RPL34: variants seen among roughly 807,000 people sequenced by gnomAD.
The protein encoded by RPL34 is large ribosomal subunit protein eL34.
A neutral mutation model predicts 16.3 loss-of-function variants in RPL34; 2 were observed. That is an observed-to-expected ratio of 0.12 (90% CI 0.05 to 0.39). The LOEUF is 0.39. Ranked by LOEUF, RPL34 falls within the 10% of genes least tolerant of loss-of-function variation. The pLI is 0.99. For synonymous variants in RPL34, 47 were observed against 48.5 expected, an observed-to-expected ratio of 0.97 and a Z score of 0.13; for missense variants, 82 against 148.8, an observed-to-expected ratio of 0.55 and a Z score of 2.33.
Position 108,625,353 on chromosome 4 carries a change from T to C in RPL34, c.*141T>C. Reference sequence around the variant, plus strand: ...CCTATAGTTTTTAGCAGATTACTTTTTCTTGTTTTGTTTGTTGTTTGTTTG... The same window carrying C: ...CCTATAGTTTTTAGCAGATTACTTTCTCTTGTTTTGTTTGTTGTTTGTTTG... On this transcript the variant is annotated 3_prime_UTR_variant, in exon 5 of 5. Transcript: ENST00000394667. The C allele has an allele frequency of 1.9e-6, 1 of 538,638 alleles. No individual in the cohort carries two copies. Among genetic ancestry groups the C allele is most frequent in the Non-Finnish European group, 3.3e-6 (1 of 301,950 alleles). The allele number at this position is 538,638 out of a possible 1,614,324, so 33.4% of individuals were successfully genotyped here.
downstream of RPL34, among the ~76,000 whole-genome samples, chr4:108,628,931 T>C (rs1436580531): frequency 1.3e-5 from 2 of 152,202 alleles, no homozygotes; most frequent in Non-Finnish European, 2.9e-5. Context: ...TAAGCCATTC[T>C]GCCTCAGCCT....
In RPL34 at chr4:108,622,498, A is replaced by C. The variant is rs1228647454; in HGVS notation, c.166-17A>C. ...CTGTTAAAGCATCACAAAAATCTTA[A>C]TATTTTTCTTATGCAGGTTCGTGCT... On this transcript the variant is annotated splice_polypyrimidine_tract_variant and intron_variant, in intron 3 of 4. Transcript: ENST00000394667. 3.8e-6 allele frequency: 6 copies of C among 1,587,522 alleles called. No homozygotes were observed. The highest frequency in any genetic ancestry group is 1.7e-5 in the Admixed American group (1 of 59,320).
chr4:108,627,505 G>A (rs561425273), downstream of RPL34, among the ~76,000 whole-genome samples: 1 of 152,238 alleles, frequency 6.6e-6, no homozygotes, highest in East Asian at 1.9e-4. Flanking sequence ...TTTTTAATTA[G>A]TGTTTTGCAG....
chr4:108,629,153 C>T (rs888801617), downstream of RPL34, among the ~76,000 whole-genome samples: 1 of 152,110 alleles, frequency 6.6e-6, no homozygotes, highest in Non-Finnish European at 1.5e-5. Context: ...AATGTTTTTC[C>T]TCCCATCTTG....
At chr4:108,621,850 C>T in intron 1 of RPL34, 101 bp from the exon 2 acceptor site, 1 of 775,642 alleles carries the variant, frequency 1.3e-6, no homozygotes, top group Non-Finnish European at 2.3e-6. Context: ...GTGTTACATA[C>T]AAGGATATGT....
At chr4:108,626,761 A>G (rs909399299), downstream of RPL34, among the ~76,000 whole-genome samples, 6 of 152,286 alleles carry the variant, frequency 3.9e-5, no homozygotes, top group Middle Eastern at 3.4e-3. Flanking sequence ...TAAAGCCATA[A>G]CAAGCTTTAT....
downstream of RPL34, among the ~76,000 whole-genome samples, chr4:108,629,272 A>G (rs1243141067): frequency 6.6e-6 from 1 of 152,172 alleles, no homozygotes; most frequent in Non-Finnish European, 1.5e-5. Context: ...ATTTCTTTTC[A>G]AAGAATATTT....
intron 1 of RPL34, chr4:108,621,097 C>T (rs1725748732): frequency 6.6e-6 from 1 of 150,502 alleles, no homozygotes; most frequent in Non-Finnish European, 1.5e-5. Flanking sequence ...ATAATGGCTT[C>T]ATAAATCACT....
At chr4:108,622,340 T>C in intron 3 of RPL34, 136 bp downstream of exon 3, 1 of 820,516 alleles carries the variant, frequency 1.2e-6, no homozygotes, top group Non-Finnish European at 2.0e-6. Context: ...GAGCCAAATC[T>C]GCCACGAACA....
At chr4:108,629,213 C>T (rs1403849368), downstream of RPL34, among the ~76,000 whole-genome samples, 6 of 152,190 alleles carry the variant, frequency 3.9e-5, no homozygotes, top group African/African-American at 1.4e-4. Context: ...AAGCCCACTG[C>T]ATATATAAAC....
At chr4:108,629,874 C>G (rs1463395966), downstream of RPL34, 3 of 152,230 alleles carry the variant, frequency 2.0e-5, no homozygotes, top group Non-Finnish European at 4.4e-5. Flanking sequence ...CTATGTCCAA[C>G]TTTCACTGTA....
intron 4 of RPL34, among the ~76,000 whole-genome samples, chr4:108,624,168 T>G (rs1177763192): frequency 6.6e-6 from 1 of 152,234 alleles, no homozygotes; most frequent in Non-Finnish European, 1.5e-5. Context: ...AGATTTGAAT[T>G]TAGGTTTACA....
chr4:108,626,700 A>G (rs2110367887), downstream of RPL34, among the ~76,000 whole-genome samples: 1 of 152,114 alleles, frequency 6.6e-6, no homozygotes, highest in African/African-American at 2.4e-5. Context: ...TGGCCTCCCA[A>G]AGTGCTGAGA....
chr4:108,630,290 G>GAT (rs1560615891), downstream of RPL34: 1 of 152,062 alleles, frequency 6.6e-6, no homozygotes, highest in Non-Finnish European at 1.5e-5. Context: ...CAGGAGCTCT[G>GAT]ATATATATCT....
At chr4:108,622,399 A>T (rs1054684425) in intron 3 of RPL34, 116 bp from the exon 4 acceptor site, 1 of 842,204 alleles carries the variant, frequency 1.2e-6, no homozygotes, top group Non-Finnish European at 2.0e-6. Context: ...CCTTTCAGAT[A>T]AATGAGTACA....
chr4:108,625,241 A>G lies in RPL34; in HGVS notation c.*29A>G. 1 of 1,402,900 alleles carries G rather than the reference A, an allele frequency of 7.1e-7. No individual in the cohort carries two copies. The highest frequency in any genetic ancestry group is 1.4e-5 in the African/African-American group (1 of 70,190). The allele number at this position is 1,402,900 out of a possible 1,614,324, so 86.9% of individuals were successfully genotyped here. ...AATGAAACTTTTTTGAGTAATAAAA[A>G]TGAAAAGACGCTGTATGTATGACTT... On this transcript the variant is annotated 3_prime_UTR_variant, in exon 5 of 5. Transcript: ENST00000394667.
chr4:108,625,040 G>T, intron 4 of RPL34, 88 bp from the exon 5 acceptor site: 4 of 851,840 alleles, frequency 4.7e-6, no homozygotes, highest in East Asian at 5.2e-5. Context: ...TGCTTTGCTT[G>T]GTTCTTTACC....
At chr4:108,624,674 C>T (rs1725924606) in intron 4 of RPL34, among the ~76,000 whole-genome samples, 1 of 152,184 alleles carries the variant, frequency 6.6e-6, no homozygotes. Context: ...TAAACAGGTT[C>T]TAAAATCCTT....
intron 1 of RPL34, chr4:108,621,102 A>G (rs1260112391): frequency 2.7e-5 from 4 of 149,550 alleles, no homozygotes; most frequent in Admixed American, 6.7e-5. Context: ...GGCTTCATAA[A>G]TCACTCGCAC....
Sources: allele counts gnomAD v4.1 joint callset (sites outside exome capture counted in the v4.1 genomes callset), GRCh38; gene constraint gnomAD v4.1.1; transcripts MANE v1.5; gene names NCBI Gene and HGNC (gene_info 2026-07-23, HGNC 2026-07-21).